CPNE4: variants seen among roughly 807,000 people sequenced by gnomAD.
CPNE4 encodes copine-4.
In CPNE4, 25 loss-of-function variants were observed where a neutral mutation model predicts 67.9. The observed-to-expected ratio is 0.37, with a 90% CI of 0.27 to 0.51. The LOEUF (loss-of-function observed/expected upper bound fraction) is 0.51, where lower values mean the gene tolerates loss of function less well. Among genes scored for constraint, CPNE4 ranks in the 20% least tolerant of loss-of-function variants. CPNE4 has a pLI of 0.93. For synonymous variants in CPNE4, 242 were observed against 244.9 expected (o/e 0.99, Z 0.11); for missense variants, 464 against 690.8 (o/e 0.67, Z 3.68).
At chr3:131,591,619 G>T (rs1320342900) in intron 7 of CPNE4, among the ~76,000 whole-genome samples, 2 of 152,206 alleles carry the variant, frequency 1.3e-5, no homozygotes, top group African/African-American at 4.8e-5. Flanking sequence ...CCTCTCAGCA[G>T]CAGGCAGTGC....
At chr3:132,019,399 G>A (rs1301299246) in intron 1 of CPNE4, among the ~76,000 whole-genome samples, 2 of 152,082 alleles carry the variant, frequency 1.3e-5, no homozygotes, top group Non-Finnish European at 2.9e-5. Flanking sequence ...CAGTCATACA[G>A]CTATTGTTTT....
chr3:132,029,316 C>G (rs114692466), intron 1 of CPNE4, among the ~76,000 whole-genome samples: 1 of 152,140 alleles, frequency 6.6e-6, no homozygotes, highest in Admixed American at 6.5e-5. Flanking sequence ...ACCTTTTGTC[C>G]CCTCTCCGCA....
At chr3:132,032,572 T>C (rs2107704993) in intron 1 of CPNE4, among the ~76,000 whole-genome samples, 2 of 152,360 alleles carry the variant, frequency 1.3e-5, no homozygotes, top group South Asian at 2.1e-4. Context: ...TGAGAAAATG[T>C]TGGCCTTTAT....
intron 4 of CPNE4, among the ~76,000 whole-genome samples, chr3:131,696,824 C>A (rs1337129066): frequency 6.6e-6 from 1 of 152,028 alleles, no homozygotes; most frequent in Non-Finnish European, 1.5e-5. Flanking sequence ...TAACTAGACA[C>A]CATTTATACT....
chr3:131,738,864 TTTTTC>T (rs2082298032), intron 2 of CPNE4, among the ~76,000 whole-genome samples: 1 of 151,172 alleles, frequency 6.6e-6, no homozygotes, highest in African/African-American at 2.4e-5. Flanking sequence ...CTTTTTTTTT[TTTTTC>T]TTAAGATGGA....
At chr3:131,680,475 G>A (rs2080719163) in intron 6 of CPNE4, among the ~76,000 whole-genome samples, 1 of 151,666 alleles carries the variant, frequency 6.6e-6, no homozygotes, top group East Asian at 1.9e-4. Context: ...CTTTAACTTT[G>A]TCCCCCAGCT....
intron 2 of CPNE4, among the ~76,000 whole-genome samples, chr3:131,848,593 G>A (rs1377109460): frequency 6.7e-6 from 1 of 150,280 alleles, no homozygotes; most frequent in Non-Finnish European, 1.5e-5. Context: ...ATTCTGCTGT[G>A]AATTCTAAGT....
chr3:131,973,586 C>G (rs1056235232), intron 1 of CPNE4, among the ~76,000 whole-genome samples: 30 of 152,120 alleles, frequency 2.0e-4, no homozygotes, highest in African/African-American at 7.0e-4. Flanking sequence ...GTAATTTTTT[C>G]AAGGTCTCCC....
chr3:132,010,239 G>A (rs1225060154), intron 1 of CPNE4, among the ~76,000 whole-genome samples: 2 of 152,106 alleles, frequency 1.3e-5, no homozygotes, highest in African/African-American at 4.8e-5. Context: ...CTAACCTGGC[G>A]TGAAGTTTAA....
intron 1 of CPNE4, among the ~76,000 whole-genome samples, chr3:131,946,498 G>T (rs543028808): frequency 2.0e-5 from 3 of 152,246 alleles, no homozygotes; most frequent in East Asian, 3.9e-4. Context: ...GGATGTACAG[G>T]TAGTCAACAT....
At chr3:131,609,870 A>T (rs1190732034) in intron 7 of CPNE4, among the ~76,000 whole-genome samples, 4 of 152,072 alleles carry the variant, frequency 2.6e-5, no homozygotes, top group Non-Finnish European at 5.9e-5. Flanking sequence ...GAGTTTTATT[A>T]TTCTCCCCTC....
chr3:131,754,167 G>A (rs1278929830), intron 2 of CPNE4, among the ~76,000 whole-genome samples: 1 of 152,078 alleles, frequency 6.6e-6, no homozygotes, highest in African/African-American at 2.4e-5. Flanking sequence ...ATGGAAAAAA[G>A]CAAGGTATAA....
At chr3:131,698,233 C>CAAAAAAAAAAAAAAAAAAAAAAAAAA (rs369274504) in intron 4 of CPNE4, among the ~76,000 whole-genome samples, 27 of 64,454 alleles carry the variant, frequency 4.2e-4, no homozygotes, top group Non-Finnish European at 5.3e-4. Flanking sequence ...GGCTCTGTCT[C>CAAAAAAAAAAAAAAAAAAAAAAAAAA]AAAAAAAAAA....
chr3:131,580,902 G>A (rs753269239), intron 9 of CPNE4, among the ~76,000 whole-genome samples: 8 of 152,120 alleles, frequency 5.3e-5, no homozygotes, highest in Admixed American at 6.6e-5. Context: ...GGCTGGGCAC[G>A]GTGGGTCATG....
upstream of CPNE4, among the ~76,000 whole-genome samples, chr3:132,039,054 G>C (rs1263765546): frequency 1.3e-5 from 2 of 152,198 alleles, no homozygotes; most frequent in Non-Finnish European, 2.9e-5. Context: ...AGTTCCACAA[G>C]TGACATTTTA....
intron 11 of CPNE4, 96 bp downstream of exon 11, chr3:131,564,120 C>G: frequency 6.9e-7 from 1 of 1,448,454 alleles, no homozygotes; most frequent in South Asian, 1.1e-5. Flanking sequence ...TAAGGAGCTA[C>G]TAGACTTAAT....
intron 2 of CPNE4, among the ~76,000 whole-genome samples, chr3:131,859,317 C>T (rs912042823): frequency 3.3e-5 from 5 of 152,114 alleles, no homozygotes; most frequent in African/African-American, 1.2e-4. Flanking sequence ...CCTGGCTGGG[C>T]TCCTTATCTT....
At chr3:131,705,461 T>G (rs1211137827) in intron 3 of CPNE4, among the ~76,000 whole-genome samples, 1 of 152,198 alleles carries the variant, frequency 6.6e-6, no homozygotes, top group South Asian at 2.1e-4. Context: ...AAATTATCTT[T>G]GGAAGGGCTT....
Position 131,686,123 on chromosome 3 carries a change from T to C in CPNE4, c.508-165A>G, listed in dbSNP as rs920088811. Reference sequence around the variant, plus strand: ...TCTTCCTGCCCAGTTCTACTCAAACTCTCTTCTCTTTACCTGTGATCATGA... The same window carrying C: ...TCTTCCTGCCCAGTTCTACTCAAACCCTCTTCTCTTTACCTGTGATCATGA... On this transcript the variant is annotated intron_variant, in intron 5 of 15. Transcript: ENST00000429747. Among the ~76,000 whole-genome samples, 8 of 152,158 alleles carry C rather than the reference T, an allele frequency of 5.3e-5. No homozygotes were observed. In the East Asian group the frequency reaches 1.2e-3, roughly 22 times the overall value.
Sources: gnomAD v4.1 joint callset for allele counts (sites outside exome capture counted in the v4.1 genomes callset) on GRCh38, gnomAD v4.1.1 for gene constraint, MANE v1.5 for transcripts, NCBI Gene and HGNC (gene_info 2026-07-23, HGNC 2026-07-21) for gene names.